Variants in FHOD3 observed in about 807,000 individuals in gnomAD.
FHOD3 encodes the protein formin homology 2 domain containing 3, also known as FH1/FH2 domain-containing protein 3.
In FHOD3, 90 loss-of-function variants were observed where a neutral mutation model predicts 173.0. That is an observed-to-expected ratio of 0.52 (90% CI 0.44 to 0.62). The LOEUF is 0.62. Among genes scored for constraint, FHOD3 ranks in the 20% least tolerant of loss-of-function variants. FHOD3 has a pLI of 0.00. For missense variants in FHOD3, 1,945 were observed against 2,034.7 expected (o/e 0.96, Z 0.85); for synonymous variants, 828 against 823.0 (o/e 1.01, Z -0.10).
At chr18:36,741,358 G>A (rs186837122) in intron 21 of FHOD3, among the ~76,000 whole-genome samples, 3 of 152,330 alleles carry the variant, frequency 2.0e-5, no homozygotes, top group Admixed American at 2.0e-4. Context: ...CTCTGGAATA[G>A]GGCAGTGGGA....
intron 3 of FHOD3, among the ~76,000 whole-genome samples, chr18:36,490,014 A>T (rs950320748): frequency 3.9e-5 from 6 of 152,162 alleles, no homozygotes; most frequent in Admixed American, 2.0e-4. Flanking sequence ...TGCGTTTGAG[A>T]TGCCACTCAT....
At chr18:36,564,098 A>G (rs2058182669) in intron 5 of FHOD3, among the ~76,000 whole-genome samples, 1 of 151,824 alleles carries the variant, frequency 6.6e-6, no homozygotes, top group Admixed American at 6.6e-5. Flanking sequence ...ACCCCAGGTG[A>G]CACCCCAGGT....
chr18:36,550,267 T>TATATATATATATATA (rs2057594693), intron 5 of FHOD3, among the ~76,000 whole-genome samples: 1 of 147,528 alleles, frequency 6.8e-6, no homozygotes, highest in African/African-American at 2.5e-5. Flanking sequence ...TATATATATA[T>TATATATATATATATA]GGGTCTGTTT....
chr18:36,547,672 C>T (rs2057467211), intron 5 of FHOD3, among the ~76,000 whole-genome samples: 1 of 152,134 alleles, frequency 6.6e-6, no homozygotes, highest in Admixed American at 6.5e-5. Flanking sequence ...GGGAGGAAAC[C>T]TTAGAGAAAT....
chr18:36,702,718 A>G (rs1454400342), intron 17 of FHOD3, among the ~76,000 whole-genome samples: 1 of 152,240 alleles, frequency 6.6e-6, no homozygotes, highest in Non-Finnish European at 1.5e-5. Flanking sequence ...TCAAAGAAAA[A>G]TTGCATAACC....
intron 26 of FHOD3, 121 bp downstream of exon 26, chr18:36,759,262 C>T: frequency 1.8e-6 from 2 of 1,134,640 alleles, no homozygotes; most frequent in South Asian, 1.4e-5. Flanking sequence ...AATGCATGGA[C>T]ATTTTTCTGG....
intron 4 of FHOD3, among the ~76,000 whole-genome samples, chr18:36,507,831 T>C (rs1371261737): frequency 3.3e-5 from 5 of 152,114 alleles, no homozygotes; most frequent in Non-Finnish European, 4.4e-5. Flanking sequence ...TGGGCTAGAC[T>C]CTTCTTATGC....
chr18:36,747,975 T>C (rs1568722963), intron 24 of FHOD3, among the ~76,000 whole-genome samples: 1 of 152,200 alleles, frequency 6.6e-6, no homozygotes, highest in East Asian at 1.9e-4. Context: ...ACAGAACTTT[T>C]TAAAACCTGA....
intron 3 of FHOD3, among the ~76,000 whole-genome samples, chr18:36,434,784 T>C (rs966987569): frequency 6.6e-6 from 1 of 152,078 alleles, no homozygotes; most frequent in Non-Finnish European, 1.5e-5. Context: ...CTTTGTTAAA[T>C]TTATTCTTAG....
intron 3 of FHOD3, among the ~76,000 whole-genome samples, chr18:36,430,869 G>C (rs1264593026): frequency 1.3e-5 from 2 of 152,096 alleles, no homozygotes; most frequent in Non-Finnish European, 2.9e-5. Flanking sequence ...ATTGTTTTGA[G>C]TTATCAAAAT....
At chr18:36,447,833 T>C (rs933373349) in intron 3 of FHOD3, among the ~76,000 whole-genome samples, 1 of 152,146 alleles carries the variant, frequency 6.6e-6, no homozygotes, top group African/African-American at 2.4e-5. Flanking sequence ...TTAAGGTAAA[T>C]AAAAGCAGGT....
chr18:36,425,123 T>C (rs1390469710), intron 3 of FHOD3, among the ~76,000 whole-genome samples: 2 of 152,202 alleles, frequency 1.3e-5, no homozygotes, highest in Non-Finnish European at 2.9e-5. Context: ...GTACAGTACA[T>C]AAGATATTTT....
intron 8 of FHOD3, among the ~76,000 whole-genome samples, chr18:36,607,951 T>C (rs1348476746): frequency 6.6e-6 from 1 of 152,208 alleles, no homozygotes; most frequent in Admixed American, 6.5e-5. Context: ...TTCAGCAATC[T>C]CTAAGAAGGC....
At chr18:36,653,038 A>G in intron 12 of FHOD3, 109 bp downstream of exon 12, 1 of 1,392,472 alleles carries the variant, frequency 7.2e-7, no homozygotes, top group East Asian at 2.5e-5. Context: ...TGTGGATTTC[A>G]GCCCAAGCAG....
At chr18:36,437,306 G>C (rs1177551328) in intron 3 of FHOD3, among the ~76,000 whole-genome samples, 1 of 152,048 alleles carries the variant, frequency 6.6e-6, no homozygotes, top group African/African-American at 2.4e-5. Context: ...TTGTAGAGAT[G>C]GGGTTTCACC....
intron 28 of FHOD3, among the ~76,000 whole-genome samples, chr18:36,775,674 T>G (rs541416926): frequency 2.1e-4 from 32 of 152,330 alleles, no homozygotes; most frequent in Admixed American, 7.2e-4. Flanking sequence ...GAATTTTTAA[T>G]GTTTTCATTT....
At chr18:36,423,204 C>T (rs78657979) in intron 3 of FHOD3, among the ~76,000 whole-genome samples, 2,299 of 152,108 alleles carry the variant, frequency 0.015, 26 homozygotes, top group African/African-American at 0.038. Flanking sequence ...ATGAAAACTT[C>T]GATAAGAGCA....
chr18:36,698,610 G>A (rs2149549228), intron 17 of FHOD3, among the ~76,000 whole-genome samples: 1 of 152,276 alleles, frequency 6.6e-6, no homozygotes, highest in Non-Finnish European at 1.5e-5. Flanking sequence ...AGAAGGGGAG[G>A]TGGACATTAC....
At chr18:36,510,328 A>C (rs900856436) in intron 4 of FHOD3, among the ~76,000 whole-genome samples, 2 of 152,252 alleles carry the variant, frequency 1.3e-5, no homozygotes, top group Non-Finnish European at 2.9e-5. Flanking sequence ...TTTAGGATAT[A>C]TGTGTAAAAT....
Sources: gnomAD v4.1 joint callset for allele counts (sites outside exome capture counted in the v4.1 genomes callset) on GRCh38, gnomAD v4.1.1 for gene constraint, MANE v1.5 for transcripts, NCBI Gene and HGNC (gene_info 2026-07-23, HGNC 2026-07-21) for gene names.